Variants in RNF125 observed in about 807,000 individuals in gnomAD.
RNF125 encodes the protein ring finger protein 125.
Under a neutral mutation model 26.0 loss-of-function variants are expected in RNF125, and 21 were observed. The ratio of observed to expected loss-of-function variants is 0.81; its 90% CI spans 0.57 to 1.16. RNF125 has a LOEUF of 1.16. RNF125 is among the 50% of genes most tolerant of loss of function. The pLI, the probability that RNF125 is intolerant of heterozygous loss-of-function variation, is 0.00. For missense variants in RNF125, 270 were observed against 299.4 expected (o/e 0.90, Z 0.72); for synonymous variants, 95 against 109.2 (o/e 0.87, Z 0.81).
At chr18:32,023,222 A>C (rs1265832478) in intron 1 of RNF125, among the ~76,000 whole-genome samples, 1 of 152,064 alleles carries the variant, frequency 6.6e-6, no homozygotes, top group South Asian at 2.1e-4. Context: ...GCGTGATCTC[A>C]GCTCGCTGCA....
intron 2 of RNF125, among the ~76,000 whole-genome samples, chr18:32,039,967 C>T (rs1322666355): frequency 5.3e-5 from 8 of 151,648 alleles, no homozygotes; most frequent in Admixed American, 2.6e-4. Context: ...TTAGTAGAGA[C>T]GTGGTTTCAC....
At position 32,071,503 on chromosome 18, in the gene RNF125, G is replaced by T. The variant is rs899723384; in HGVS notation, c.*3119G>T. The T allele has an allele frequency of 2.0e-5, 3 of 152,088 alleles. No homozygotes were observed. Among genetic ancestry groups the T allele is most frequent in the Non-Finnish European group, 4.4e-5 (3 of 68,012 alleles). 9.4% of individuals were successfully genotyped at this position (152,088 alleles called of 1,614,324 possible). A position where few individuals can be genotyped will look rare whatever the true frequency, so the allele number is the denominator to read the frequency against. ...CTGACTCTTTAATTATGAATCCAGG[G>T]CATAGATTAGTATCTCCATCTTGTA... On this transcript the variant is annotated 3_prime_UTR_variant, in exon 6 of 6. Coordinates refer to ENST00000217740, the MANE Select transcript of RNF125 (RefSeq NM_017831.4).
At chr18:32,081,053 G>A in the RNF125 span, among the ~76,000 whole-genome samples, 1 of 151,918 alleles carries the variant, frequency 6.6e-6, no homozygotes, top group African/African-American at 2.4e-5. Context: ...GAGTGTGATG[G>A]CGCAGGTCTG....
intron 4 of RNF125, 90 bp from the exon 5 acceptor site, chr18:32,065,812 T>TA: frequency 1.1e-6 from 1 of 904,816 alleles, no homozygotes; most frequent in Non-Finnish European, 1.8e-6. Context: ...ATTACAGGCG[T>TA]AAGCCACCGC....
chr18:32,042,503 T>C (rs1252091255), intron 3 of RNF125, among the ~76,000 whole-genome samples: 1 of 152,292 alleles, frequency 6.6e-6, no homozygotes, highest in Middle Eastern at 3.4e-3. Context: ...CTGGAGAGAT[T>C]GGGGCAACTT....
chr18:32,045,573 G>T, intron 3 of RNF125, 69 bp from the exon 4 acceptor site: 5 of 916,840 alleles, frequency 5.5e-6, no homozygotes, highest in Non-Finnish European at 4.9e-6. Flanking sequence ...AAAAAAAAAA[G>T]AAAAAAAAAG....
At chr18:32,035,396 G>A (rs1055709385) in intron 1 of RNF125, among the ~76,000 whole-genome samples, 1 of 152,162 alleles carries the variant, frequency 6.6e-6, no homozygotes, top group Non-Finnish European at 1.5e-5. Flanking sequence ...AAAATCGGTA[G>A]TGACTAATAT....
chr18:32,061,173 C>T (rs1292886377), intron 4 of RNF125, among the ~76,000 whole-genome samples: 1 of 152,056 alleles, frequency 6.6e-6, no homozygotes, highest in African/African-American at 2.4e-5. Context: ...TACAGGCACC[C>T]GCCACCACAC....
At chr18:32,031,486 G>GAAAAAAA (rs745809061) in intron 1 of RNF125, 3 of 20,952 alleles carry the variant, frequency 1.4e-4, no homozygotes, top group African/African-American at 2.3e-4. Context: ...CAAATTGTGG[G>GAAAAAAA]AAAAAAAAAA....
At chr18:32,020,848 G>A (rs2038979732) in intron 1 of RNF125, among the ~76,000 whole-genome samples, 1 of 151,768 alleles carries the variant, frequency 6.6e-6, no homozygotes, top group Non-Finnish European at 1.5e-5. Context: ...GGCAGAGGTT[G>A]CAGTGAGCTG....
At chr18:32,090,711 G>A in the RNF125 span, among the ~76,000 whole-genome samples, 26 of 152,214 alleles carry the variant, frequency 1.7e-4, no homozygotes, top group African/African-American at 6.3e-4. Context: ...ATGTAAACAG[G>A]TTGAGAGCAA....
At chr18:32,032,462 C>T (rs1343559609) in intron 1 of RNF125, among the ~76,000 whole-genome samples, 1 of 151,946 alleles carries the variant, frequency 6.6e-6, no homozygotes, top group Non-Finnish European at 1.5e-5. Context: ...AGCCACCTAC[C>T]TCCCAAAGTG....
Position 32,037,250 on chromosome 18 carries a change from G to T in RNF125, c.299G>T (p.Cys100Phe), listed in dbSNP as rs761255787. 6.3e-7 allele frequency: 1 copy of T among 1,585,834 alleles called. No homozygotes were observed. Among genetic ancestry groups the T allele is most frequent in the African/African-American group, 1.4e-5 (1 of 73,028 alleles). The change falls in exon 2 of 6, where the codon TGC becomes TTC. Residue 100 changes from cysteine (C) to phenylalanine (F), a missense_variant. Coordinates refer to ENST00000217740, the MANE Select transcript of RNF125 (RefSeq NM_017831.4). The stretch of plus-strand genomic sequence containing the variant: ...AGAATGAAATCAGAGTATAAGAACT[G>T]CGCTGAGTGTGACACCCTGGTATGT... ...AKRMKSEYKNCAECDTLVCLS... is the reference protein window; with the variant it reads ...AKRMKSEYKNFAECDTLVCLS...
At chr18:32,034,412 T>TG (rs1317990968) in intron 1 of RNF125, among the ~76,000 whole-genome samples, 1 of 152,232 alleles carries the variant, frequency 6.6e-6, no homozygotes, top group Non-Finnish European at 1.5e-5. Context: ...ATAGTCGGTC[T>TG]GGGGGTTGTT....
chr18:32,038,251 T>A (rs201048198), intron 2 of RNF125, among the ~76,000 whole-genome samples: 2 of 152,224 alleles, frequency 1.3e-5, no homozygotes, highest in East Asian at 3.9e-4. Flanking sequence ...GGTTTTGCTA[T>A]GTTGGCCAGG....
rs2039510571 is a variant in RNF125, at chr18:32,069,074, A to G, written c.*690A>G. On this transcript the variant is annotated 3_prime_UTR_variant, in exon 6 of 6. Coordinates refer to ENST00000217740, the MANE Select transcript of RNF125 (RefSeq NM_017831.4). Reference sequence around the variant, plus strand: ...AAATTAGCTGGACGTGTTGGCGGGCATCTGTAATACCAGCTACTTGGGAGG... The same window carrying G: ...AAATTAGCTGGACGTGTTGGCGGGCGTCTGTAATACCAGCTACTTGGGAGG... The G allele has an allele frequency of 6.6e-6, 1 of 152,014 alleles. No individual in the cohort carries two copies. Among genetic ancestry groups the G allele is most frequent in the Admixed American group, 6.6e-5 (1 of 15,222 alleles). 9.4% of individuals were successfully genotyped at this position (152,014 alleles called of 1,614,324 possible).
chr18:32,057,869 T>C (rs1018474252), intron 4 of RNF125, among the ~76,000 whole-genome samples: 1 of 152,054 alleles, frequency 6.6e-6, no homozygotes, highest in African/African-American at 2.4e-5. Context: ...TCTGATAAAA[T>C]AGGTCTGAGC....
chr18:32,021,036 T>C (rs998805639), intron 1 of RNF125, among the ~76,000 whole-genome samples: 3 of 152,220 alleles, frequency 2.0e-5, no homozygotes, highest in Non-Finnish European at 2.9e-5. Flanking sequence ...GTGTGCAGCC[T>C]GCACAATGTA....
the RNF125 span, among the ~76,000 whole-genome samples, chr18:32,088,078 G>A: frequency 6.6e-6 from 1 of 152,160 alleles, no homozygotes; most frequent in Non-Finnish European, 1.5e-5. Flanking sequence ...GAACAGTTGT[G>A]TATGTACATA....
Sources: allele counts gnomAD v4.1 joint callset (sites outside exome capture counted in the v4.1 genomes callset), GRCh38; gene constraint gnomAD v4.1.1; transcripts MANE v1.5; gene names NCBI Gene and HGNC (gene_info 2026-07-23, HGNC 2026-07-21).